TRAPPC9: variants seen among roughly 807,000 people sequenced by gnomAD.
TRAPPC9 encodes IKK2 binding protein.
In TRAPPC9, 83 loss-of-function variants were observed where a neutral mutation model predicts 124.0. The observed-to-expected ratio is 0.67, with a 90% CI of 0.56 to 0.80. TRAPPC9 has a LOEUF of 0.80. Among genes scored for constraint, TRAPPC9 ranks in the 30% least tolerant of loss-of-function variants. The pLI is 0.00. For missense variants in TRAPPC9, 1,302 were observed against 1,508.3 expected (o/e 0.86, Z 2.27); for synonymous variants, 638 against 617.5 (o/e 1.03, Z -0.49).
intron 17 of TRAPPC9, among the ~76,000 whole-genome samples, chr8:140,129,366 C>T (rs1157314150): frequency 1.3e-5 from 2 of 152,054 alleles, no homozygotes; most frequent in South Asian, 2.1e-4. Context: ...GTGTGTGAGA[C>T]CTCAGGGCCT....
chr8:139,817,045 AACACACACACACACACAC>A (rs1228353322), intron 21 of TRAPPC9, among the ~76,000 whole-genome samples: 1 of 135,288 alleles, frequency 7.4e-6, no homozygotes, highest in Non-Finnish European at 1.6e-5. Flanking sequence ...ACATAAACTA[AACACACACACACACACAC>A]ACACACACAC....
intron 21 of TRAPPC9, among the ~76,000 whole-genome samples, chr8:139,865,845 G>A (rs1828492868): frequency 6.6e-6 from 1 of 152,210 alleles, no homozygotes; most frequent in Admixed American, 6.5e-5. Context: ...AAGTATGAGT[G>A]ACCATGGCTC....
At chr8:140,112,166 G>C (rs1057089288) in intron 17 of TRAPPC9, among the ~76,000 whole-genome samples, 3 of 151,732 alleles carry the variant, frequency 2.0e-5, no homozygotes, top group Non-Finnish European at 2.9e-5. Flanking sequence ...TCCAGACGAT[G>C]GTGCGACAGG....
At chr8:140,411,103 A>T (rs926569309) in intron 5 of TRAPPC9, among the ~76,000 whole-genome samples, 2 of 152,098 alleles carry the variant, frequency 1.3e-5, no homozygotes, top group Non-Finnish European at 2.9e-5. Flanking sequence ...CAAAAGAACC[A>T]CAACCAATCC....
chr8:140,452,054 A>T (rs10106245), intron 1 of TRAPPC9, among the ~76,000 whole-genome samples: 1 of 150,410 alleles, frequency 6.6e-6, no homozygotes, highest in South Asian at 2.1e-4. Flanking sequence ...CCGGGAGGTG[A>T]AAGCTGCAGT....
intron 11 of TRAPPC9, among the ~76,000 whole-genome samples, chr8:140,297,644 T>C (rs1242994836): frequency 6.6e-6 from 1 of 152,244 alleles, no homozygotes; most frequent in Non-Finnish European, 1.5e-5. Context: ...ATGGAGGCTG[T>C]GTCTGAGCCT....
intron 17 of TRAPPC9, among the ~76,000 whole-genome samples, chr8:140,119,407 ACG>A (rs1398473324): frequency 6.6e-5 from 10 of 152,046 alleles, no homozygotes; most frequent in Non-Finnish European, 1.5e-4. Context: ...AGTCCCCACC[ACG>A]CCGCCAGCAC....
chr8:140,377,240 C>CT (rs2068468247), intron 7 of TRAPPC9, among the ~76,000 whole-genome samples: 1 of 152,188 alleles, frequency 6.6e-6, no homozygotes, highest in Non-Finnish European at 1.5e-5. Context: ...GATTTGAACT[C>CT]TGACTACAGC....
chr8:140,392,320 A>G (rs1177334540), intron 7 of TRAPPC9, among the ~76,000 whole-genome samples: 1 of 152,214 alleles, frequency 6.6e-6, no homozygotes, highest in African/African-American at 2.4e-5. Flanking sequence ...TCATATTATC[A>G]ATGAGTTTCA....
At chr8:139,798,999 C>G (rs1453523795) in intron 21 of TRAPPC9, among the ~76,000 whole-genome samples, 2 of 152,150 alleles carry the variant, frequency 1.3e-5, no homozygotes, top group Admixed American at 6.5e-5. Context: ...TGGCCTCCTA[C>G]TCTTCCATGG....
At chr8:140,164,350 T>C (rs1211410352) in intron 17 of TRAPPC9, among the ~76,000 whole-genome samples, 1 of 152,206 alleles carries the variant, frequency 6.6e-6, no homozygotes, top group African/African-American at 2.4e-5. Flanking sequence ...CATTGCCAAA[T>C]TCAGGGGCTA....
At chr8:140,272,382 T>G (rs944811852) in intron 15 of TRAPPC9, among the ~76,000 whole-genome samples, 5 of 106,366 alleles carry the variant, frequency 4.7e-5, no homozygotes, top group South Asian at 2.7e-4. Context: ...GTGGTGGTGA[T>G]GATGGTGATG....
chr8:139,826,288 A>G (rs1343628780), intron 21 of TRAPPC9, among the ~76,000 whole-genome samples: 2 of 152,172 alleles, frequency 1.3e-5, no homozygotes, highest in Admixed American at 1.3e-4. Flanking sequence ...GGGCGCTTCC[A>G]GAGGACTACA....
At chr8:140,298,352 CTCA>C (rs1175009066) in intron 11 of TRAPPC9, among the ~76,000 whole-genome samples, 77 of 152,272 alleles carry the variant, frequency 5.1e-4, no homozygotes, top group Admixed American at 5.0e-3. Flanking sequence ...ATGAGAAATG[CTCA>C]TCAAGACAAT....
chr8:140,052,154 A>T (rs1418180957), intron 17 of TRAPPC9, among the ~76,000 whole-genome samples: 3 of 152,142 alleles, frequency 2.0e-5, no homozygotes, highest in African/African-American at 7.2e-5. Flanking sequence ...TGCTAATTCA[A>T]AATTACCACA....
intron 17 of TRAPPC9, among the ~76,000 whole-genome samples, chr8:140,146,660 TA>T (rs1268547260): frequency 6.6e-6 from 1 of 152,252 alleles, no homozygotes; most frequent in Non-Finnish European, 1.5e-5. Flanking sequence ...AATTTTCCTT[TA>T]AAACTGTGAC....
intron 16 of TRAPPC9, among the ~76,000 whole-genome samples, chr8:140,223,690 C>A (rs2063386508): frequency 6.6e-6 from 1 of 151,796 alleles, no homozygotes; most frequent in South Asian, 2.1e-4. Flanking sequence ...TGCCTAATAT[C>A]TCTTTGCAAA....
chr8:140,019,852 G>A (rs530203175), intron 18 of TRAPPC9, among the ~76,000 whole-genome samples: 2 of 151,634 alleles, frequency 1.3e-5, no homozygotes, highest in Admixed American at 1.3e-4. Flanking sequence ...ACGCCTGGCC[G>A]TCATTTTTCT....
At chr8:140,414,509 G>C (rs2069831236) in intron 5 of TRAPPC9, among the ~76,000 whole-genome samples, 1 of 152,086 alleles carries the variant, frequency 6.6e-6, no homozygotes, top group Non-Finnish European at 1.5e-5. Context: ...ACTCCAGCCT[G>C]GGTGACAGAG....
Sources: gnomAD v4.1 joint callset for allele counts (sites outside exome capture counted in the v4.1 genomes callset) on GRCh38, gnomAD v4.1.1 for gene constraint, MANE v1.5 for transcripts, NCBI Gene and HGNC (gene_info 2026-07-23, HGNC 2026-07-21) for gene names.